Variants in COL7A1 observed in about 807,000 individuals in gnomAD.
COL7A1 encodes the protein collagen alpha-1(VII) chain.
A neutral mutation model predicts 456.2 loss-of-function variants in COL7A1; 296 were observed. The observed-to-expected ratio is 0.65, with a 90% CI of 0.59 to 0.71. The LOEUF is 0.71. Among genes scored for constraint, COL7A1 ranks in the 30% least tolerant of loss-of-function variants. COL7A1 has a pLI of 0.00. For synonymous variants in COL7A1, 1,464 were observed against 1,525.9 expected (o/e 0.96, Z 0.95); for missense variants, 3,441 against 4,017.2 (o/e 0.86, Z 3.88).
Position 48,593,336 on chromosome 3 carries a change from C to T in COL7A1, c.520+20G>A. On this transcript the variant is annotated intron_variant, in intron 5 of 118. Coordinates refer to ENST00000681320, the MANE Select transcript of COL7A1 (RefSeq NM_000094.4). The surrounding 1 kb of genome is among the most constrained non-coding windows in gnomAD (Gnocchi z 4.4). Reference sequence around the variant, plus strand: ...TGCCCCCACCCCCCAGCTGACCTGTCACTCCTGCTCGGTCCTTACCCACAG... The same window carrying T: ...TGCCCCCACCCCCCAGCTGACCTGTTACTCCTGCTCGGTCCTTACCCACAG... 2.5e-6 allele frequency: 4 copies of T among 1,614,072 alleles called. No individual in the cohort carries two copies. Among genetic ancestry groups the T allele is most frequent in the Non-Finnish European group, 3.4e-6 (4 of 1,180,010 alleles).
In COL7A1 at chr3:48,591,952, A is replaced by G; in HGVS notation, c.1303T>C (p.Trp435Arg). ...ILGPTSILLS[W>R]NLVPEARGYR... is the part of the protein sequence containing the mutation. ...CCACGGGCCTCAGGCACCAAGTTCC[A>G]GGAAAGGAGGATGGATGTGGGGCCC... The change falls in exon 11 of 119, where the codon TGG becomes CGG. Residue 435 changes from tryptophan to arginine, a missense_variant. Around this residue, in one of 3 missense-constraint regions of COL7A1, gnomAD observed 913 missense variants for 1,088.2 expected, o/e 0.84. Transcript: ENST00000681320. The surrounding 1 kb of genome is among the most constrained non-coding windows in gnomAD (Gnocchi z 7.0). 2 of 1,614,170 alleles carry G rather than the reference A, an allele frequency of 1.2e-6. No homozygotes were observed. Among genetic ancestry groups the G allele is most frequent in the Non-Finnish European group, 1.7e-6 (2 of 1,180,020 alleles).
rs1040012942 is a variant in COL7A1, at chr3:48,564,265, G to A, written c.*141C>T. 25 of 1,051,320 alleles carry A rather than the reference G, an allele frequency of 2.4e-5. No homozygotes were observed. Among genetic ancestry groups the A allele is most frequent in the Non-Finnish European group, 3.5e-5 (24 of 689,084 alleles). 65.1% of individuals were successfully genotyped at this position (1,051,320 alleles called of 1,614,324 possible). A position where few individuals can be genotyped will look rare whatever the true frequency, so the allele number is the denominator to read the frequency against. ...ACAGGGGGGAAGGCTAGACCCACGG[G>A]ACCAAGTCACTGAAATAACGGACGT... On this transcript the variant is annotated 3_prime_UTR_variant, in exon 119 of 119. Transcript: ENST00000681320. This position sits in a 1 kb window ranked among gnomAD's most constrained non-coding sequence, Gnocchi z 6.0.
Position 48,569,232 on chromosome 3 carries a change from G to T in COL7A1, c.7686+143C>A. 2.0e-6 allele frequency: 2 copies of T among 1,018,774 alleles called. No homozygotes were observed. The highest frequency in any genetic ancestry group is 3.0e-6 in the Non-Finnish European group (2 of 658,512). 63.1% of individuals were successfully genotyped at this position (1,018,774 alleles called of 1,614,324 possible). A position where few individuals can be genotyped will look rare whatever the true frequency, so the allele number is the denominator to read the frequency against. ...GCCCTCCCTAGAGCCCCTCCTCTCG[G>T]CCACTCCATAGTCAGCCACAGAACC... is the stretch of plus-strand genomic sequence containing the variant. On this transcript the variant is annotated intron_variant, in intron 103 of 118. Transcript: ENST00000681320. This position sits in a 1 kb window ranked among gnomAD's most constrained non-coding sequence, Gnocchi z 4.9.
At position 48,574,291 on chromosome 3, in the gene COL7A1, G is replaced by A. The variant is rs745851807; in HGVS notation, c.6472C>T (p.Arg2158Cys). Residue 2158 changes from arginine (R) to cysteine (C), a missense_variant, in exon 80 of 119, where the codon CGT (arginine) becomes TGT (cysteine). Coordinates refer to ENST00000681320, the MANE Select transcript of COL7A1 (RefSeq NM_000094.4). This position sits in a 1 kb window ranked among gnomAD's most constrained non-coding sequence, Gnocchi z 5.0. ...TTCCCTTCAGGCCCAGCCATACCAC[G>A]CTCTCCTGGTAGACCCTGCAGAGAA... ...QDGNPGLPGE[R>C]GMAGPEGKPG... The A allele has an allele frequency of 2.5e-6, 4 of 1,614,076 alleles. No homozygotes were observed. The highest frequency in any genetic ancestry group is 2.5e-6 in the Non-Finnish European group (3 of 1,180,016).
At chr3:48,582,980 A>G in intron 44 of COL7A1, 33 bp downstream of exon 44, 1 of 1,614,028 alleles carries the variant, frequency 6.2e-7, no homozygotes, top group Non-Finnish European at 8.5e-7. Flanking sequence ...CAGCCAGGTC[A>G]GCTGGTATGA....
In COL7A1 at chr3:48,564,242, AG is replaced by A; in HGVS notation, c.*163del. On this transcript the variant is annotated 3_prime_UTR_variant, in exon 119 of 119. Coordinates refer to ENST00000681320, the MANE Select transcript of COL7A1 (RefSeq NM_000094.4). This position sits in a 1 kb window ranked among gnomAD's most constrained non-coding sequence, Gnocchi z 6.0. ...GGAGCCACAATGGGGGTTTGTCCAC[AG>A]GGGGGAAGGCTAGACCCACGGGACC... 3 of 833,628 alleles carry A rather than the reference AG, an allele frequency of 3.6e-6. No homozygotes were observed. Among genetic ancestry groups the A allele is most frequent in the South Asian group, 1.5e-5 (1 of 68,210 alleles). The allele number at this position is 833,628 out of a possible 1,614,324, so 51.6% of individuals were successfully genotyped here.
rs773093117 is a variant in COL7A1 at position 48,564,769 on chromosome 3, G to A, written c.8818+14C>T. 1 of 1,612,044 alleles carries A rather than the reference G, an allele frequency of 6.2e-7. No individual in the cohort carries two copies. The highest frequency in any genetic ancestry group is 2.2e-5 in the East Asian group (1 of 44,826). Reference sequence around the variant, plus strand: ...TCAGTGCCCAGTTCCCCACGGTGGGGGCTCAGCCCATACCTGTCCCCTGGC... The same window carrying A: ...TCAGTGCCCAGTTCCCCACGGTGGGAGCTCAGCCCATACCTGTCCCCTGGC... On this transcript the variant is annotated intron_variant, in intron 118 of 118. Coordinates refer to ENST00000681320, the MANE Select transcript of COL7A1 (RefSeq NM_000094.4). The surrounding 1 kb of genome is among the most constrained non-coding windows in gnomAD (Gnocchi z 6.0).
rs192754202 is a variant in COL7A1, at chr3:48,590,251, C to T, written c.2012G>A (p.Arg671Lys). 9 of 1,613,848 alleles carry T rather than the reference C, an allele frequency of 5.6e-6. No homozygotes were observed. The South Asian group carries it at 7.7e-5, about 14-fold the overall frequency. ...GATGACTGCAGCAGGGCCCTCCTCT[C>T]TGCCTCGCAGTACCGACACAGCCAC... ...YQVAVSVLRGREEGPAAVIVA... is the reference protein window; with the variant it reads ...YQVAVSVLRGKEEGPAAVIVA... The change falls in exon 16 of 119, where the codon AGA (arginine) becomes AAA (lysine). Residue 671 changes from arginine (R) to lysine (K), a missense_variant. Coordinates refer to ENST00000681320, the MANE Select transcript of COL7A1 (RefSeq NM_000094.4). The surrounding 1 kb of genome is among the most constrained non-coding windows in gnomAD (Gnocchi z 4.6).
Position 48,565,559 on chromosome 3 carries a change from C to G in COL7A1, c.8441-63G>C. 6.2e-6 allele frequency: 10 copies of G among 1,613,996 alleles called. No homozygotes were observed. The highest frequency in any genetic ancestry group is 8.5e-6 in the Non-Finnish European group (10 of 1,179,906). ...ACCATGGGCAGCCATCCCAGCCAAC[C>G]CCCCTGAGAGGACCCCAGTTGATAG... is the stretch of plus-strand genomic sequence containing the variant. On this transcript the variant is annotated intron_variant, in intron 115 of 118. Transcript: ENST00000681320. The surrounding 1 kb of genome is among the most constrained non-coding windows in gnomAD (Gnocchi z 4.5).
intron 44 of COL7A1, 33 bp from the exon 45 acceptor site, chr3:48,582,686 G>A: frequency 6.2e-7 from 1 of 1,611,180 alleles, no homozygotes; most frequent in Non-Finnish European, 8.5e-7. Flanking sequence ...CTGTGCAGGT[G>A]GGTGGGGACG....
Position 48,593,186 on chromosome 3 carries a change from C to T in COL7A1, c.598G>A (p.Asp200Asn). The T allele has an allele frequency of 6.2e-7, 1 of 1,614,108 alleles. No homozygotes were observed. Among genetic ancestry groups the T allele is most frequent in the Non-Finnish European group, 8.5e-7 (1 of 1,180,016 alleles). ...PTSDFFFFVN[D>N]FSILRTLLPL... ...AGTAGTGTCCTCAAGATGCTGAAGT[C>T]ATTGACGAAGAAGAAGAAGTCACTG... is the stretch of plus-strand genomic sequence containing the variant. The change falls in exon 6 of 119, where the codon GAC (aspartate) becomes AAC (asparagine). Residue 200 changes from aspartate to asparagine, a missense_variant. Asp to Asn is a conservative substitution (Grantham distance 23). This residue lies in a region of COL7A1 where 913 missense variants were observed against 1,088.2 expected (regional missense o/e 0.84). Coordinates refer to ENST00000681320, the MANE Select transcript of COL7A1 (RefSeq NM_000094.4). This position sits in a 1 kb window ranked among gnomAD's most constrained non-coding sequence, Gnocchi z 4.4.
rs2045310937 is a variant in COL7A1, at chr3:48,586,968, A to G, written c.3276+4T>C. On this transcript the variant is annotated splice_donor_region_variant and intron_variant, in intron 25 of 118. Coordinates refer to ENST00000681320, the MANE Select transcript of COL7A1 (RefSeq NM_000094.4). The surrounding 1 kb of genome is among the most constrained non-coding windows in gnomAD (Gnocchi z 5.1). Reference sequence around the variant, plus strand: ...GGTAGAATCTGGCTGCCCCAGGGCCAAACCTGAACTGCCTGTGGCCCAAGA... The same window carrying G: ...GGTAGAATCTGGCTGCCCCAGGGCCGAACCTGAACTGCCTGTGGCCCAAGA... The G allele has an allele frequency of 6.3e-7, 1 of 1,588,616 alleles. No homozygotes were observed. Among genetic ancestry groups the G allele is most frequent in the East Asian group, 2.3e-5 (1 of 43,988 alleles).
At position 48,575,579 on chromosome 3, in the gene COL7A1, T is replaced by C. The variant is rs764403896; in HGVS notation, c.5980-40A>G. ...GAGAGAATGCTGGTGGCTGTACAGC[T>C]ACACCCCACTCCACGGGGCACAACC... On this transcript the variant is annotated intron_variant, in intron 73 of 118. Transcript: ENST00000681320. This position sits in a 1 kb window ranked among gnomAD's most constrained non-coding sequence, Gnocchi z 6.3. 1.2e-6 allele frequency: 2 copies of C among 1,612,518 alleles called. No homozygotes were observed. Among genetic ancestry groups the C allele is most frequent in the South Asian group, 2.2e-5 (2 of 91,088 alleles).
At position 48,594,236 on chromosome 3, in the gene COL7A1, A is replaced by G; in HGVS notation, c.266+132T>C. On this transcript the variant is annotated intron_variant, in intron 3 of 118. Transcript: ENST00000681320. The surrounding 1 kb of genome is among the most constrained non-coding windows in gnomAD (Gnocchi z 5.5). ...TCTGTCTCCAAAGGAGGTCCTGGCTAGGGGGTCTCTAGGTTCCCCAAAACT... is the reference window on the plus strand; with the variant it reads ...TCTGTCTCCAAAGGAGGTCCTGGCTGGGGGGTCTCTAGGTTCCCCAAAACT... 9.6e-7 allele frequency: 1 copy of G among 1,038,576 alleles called. No individual in the cohort carries two copies. Among genetic ancestry groups the G allele is most frequent in the Non-Finnish European group, 1.4e-6 (1 of 703,668 alleles). The allele number at this position is 1,038,576 out of a possible 1,614,324, so 64.3% of individuals were successfully genotyped here. A position where few individuals can be genotyped will look rare whatever the true frequency, so the allele number is the denominator to read the frequency against.
chr3:48,571,124 G>A lies in COL7A1; in HGVS notation c.7141C>T (p.Pro2381Ser). 1 of 1,614,012 alleles carries A rather than the reference G, an allele frequency of 6.2e-7. No individual in the cohort carries two copies. The highest frequency in any genetic ancestry group is 8.5e-7 in the Non-Finnish European group (1 of 1,180,008). ...PGVGVPGSPG[P>S]PGPPGVKGDL... Reference sequence around the variant, plus strand: ...ACCTTCACACCTGGAGGGCCAGGAGGCCCAGGGGAGCCCGGGACCCCGACT... The same window carrying A: ...ACCTTCACACCTGGAGGGCCAGGAGACCCAGGGGAGCCCGGGACCCCGACT... Residue 2381 changes from proline (P) to serine (S), a missense_variant, in exon 94 of 119, where the codon CCT becomes TCT. This residue lies in a region of COL7A1 where 2,084 missense variants were observed against 2,501.3 expected (regional missense o/e 0.83). Coordinates refer to ENST00000681320, the MANE Select transcript of COL7A1 (RefSeq NM_000094.4). The surrounding 1 kb of genome is among the most constrained non-coding windows in gnomAD (Gnocchi z 4.6).
rs898317116 is a variant in COL7A1 at position 48,567,459 on chromosome 3, C to T, written c.8046+115G>A. ...CCTCGAGACCAGCCCCACTTCAGCC[C>T]CCAAAGTCCCAACCCTCTACAGCCT... On this transcript the variant is annotated intron_variant, in intron 109 of 118. Coordinates refer to ENST00000681320, the MANE Select transcript of COL7A1 (RefSeq NM_000094.4). This position sits in a 1 kb window ranked among gnomAD's most constrained non-coding sequence, Gnocchi z 4.3. The T allele has an allele frequency of 6.8e-7, 1 of 1,464,060 alleles. No individual in the cohort carries two copies. The highest frequency in any genetic ancestry group is 1.4e-5 in the African/African-American group (1 of 72,156). 90.7% of individuals were successfully genotyped at this position (1,464,060 alleles called of 1,614,324 possible).
In COL7A1 at chr3:48,565,081, G is replaced by C; in HGVS notation, c.8620+28C>G. ...GCTCAGCCCTGCCTGCCCCTCCCCA[G>C]ACCCCGCTGGCAGCCCCCCATTCTC... On this transcript the variant is annotated intron_variant, in intron 117 of 118. Transcript: ENST00000681320. The surrounding 1 kb of genome is among the most constrained non-coding windows in gnomAD (Gnocchi z 4.5). The C allele has an allele frequency of 6.9e-7, 1 of 1,458,464 alleles. No individual in the cohort carries two copies. Among genetic ancestry groups the C allele is most frequent in the Non-Finnish European group, 9.0e-7 (1 of 1,108,894 alleles). 90.3% of individuals were successfully genotyped at this position (1,458,464 alleles called of 1,614,324 possible).
Position 48,588,971 on chromosome 3 carries a change from G to C in COL7A1, c.2339C>G (p.Ser780Trp). ...RTAPEPVGRV[S>W]RLQILNASSD... ...GGAAGCATTGAGGATCTGCAGCCTC[G>C]ACACACGACCCACAGGCTCAGGGGC... Residue 780 changes from serine to tryptophan, a missense_variant, in exon 19 of 119, where the codon TCG becomes TGG. Ser to Trp is a radical substitution (Grantham distance 177). This residue lies in a region of COL7A1 where 913 missense variants were observed against 1,088.2 expected (regional missense o/e 0.84). Coordinates refer to ENST00000681320, the MANE Select transcript of COL7A1 (RefSeq NM_000094.4). The surrounding 1 kb of genome is among the most constrained non-coding windows in gnomAD (Gnocchi z 4.6). The C allele has an allele frequency of 6.2e-7, 1 of 1,613,524 alleles. No individual in the cohort carries two copies. Among genetic ancestry groups the C allele is most frequent in the Non-Finnish European group, 8.5e-7 (1 of 1,180,036 alleles).
rs1400953168 is a variant in COL7A1, at chr3:48,581,227, C to A, written c.4899+33G>T. 1.9e-6 allele frequency: 3 copies of A among 1,611,582 alleles called. No homozygotes were observed. The highest frequency in any genetic ancestry group is 1.1e-5 in the South Asian group (1 of 90,900). ...TGCTGGCAACAGCCCTACTCCCTTA[C>A]CCGCCATGACTCCCCCGACTCCAGC... On this transcript the variant is annotated intron_variant, in intron 52 of 118. Coordinates refer to ENST00000681320, the MANE Select transcript of COL7A1 (RefSeq NM_000094.4). This position sits in a 1 kb window ranked among gnomAD's most constrained non-coding sequence, Gnocchi z 5.8.
Sources: allele counts gnomAD v4.1 joint callset, GRCh38; gene constraint gnomAD v4.1.1; regional missense constraint gnomAD v4.1.1; non-coding constraint Gnocchi (gnomAD v3.1); transcripts MANE v1.5; gene names NCBI Gene and HGNC (gene_info 2026-07-23, HGNC 2026-07-21).